CNTN5: variants seen among roughly 807,000 people sequenced by gnomAD.
CNTN5 encodes contactin 5, also known as contactin-5.
A neutral mutation model predicts 129.1 loss-of-function variants in CNTN5; 77 were observed. The observed-to-expected ratio is 0.60, with a 90% CI of 0.50 to 0.72. The LOEUF is 0.72. Ranked by LOEUF, CNTN5 falls within the 30% of genes least tolerant of loss-of-function variation. The pLI, the probability that CNTN5 is intolerant of heterozygous loss-of-function variation, is 0.00. For missense variants in CNTN5, 1,478 were observed against 1,328.8 expected, an observed-to-expected ratio of 1.11 and a Z score of -1.75; for synonymous variants, 509 against 465.6, an observed-to-expected ratio of 1.09 and a Z score of -1.20.
intron 3 of CNTN5, among the ~76,000 whole-genome samples, chr11:99,692,405 C>G (rs1954076876): frequency 6.6e-6 from 1 of 152,038 alleles, no homozygotes; most frequent in Non-Finnish European, 1.5e-5. Context: ...TTAGTGCTTC[C>G]TTAGGAGCAC....
At chr11:99,778,496 C>T (rs1177503570) in intron 3 of CNTN5, among the ~76,000 whole-genome samples, 1 of 151,770 alleles carries the variant, frequency 6.6e-6, no homozygotes, top group African/African-American at 2.4e-5. Context: ...TCTTATTCCT[C>T]TATTCTGTGG....
intron 9 of CNTN5, among the ~76,000 whole-genome samples, chr11:100,045,755 T>G (rs1942636016): frequency 6.7e-6 from 1 of 150,052 alleles, no homozygotes; most frequent in South Asian, 2.1e-4. Flanking sequence ...AGAAATCTAC[T>G]AGAGATGCCA....
chr11:99,508,347 T>C (rs1305923467), intron 2 of CNTN5, among the ~76,000 whole-genome samples: 1 of 152,222 alleles, frequency 6.6e-6, no homozygotes, highest in Non-Finnish European at 1.5e-5. Context: ...AAATATTTTA[T>C]AATTTTAAAG....
intron 7 of CNTN5, among the ~76,000 whole-genome samples, chr11:99,949,052 A>G (rs1950614851): frequency 6.6e-6 from 1 of 152,194 alleles, no homozygotes; most frequent in Admixed American, 6.5e-5. Context: ...AAGTGGGATC[A>G]ATCTTAAGCT....
chr11:99,433,986 A>G (rs1195638450), intron 2 of CNTN5, among the ~76,000 whole-genome samples: 8 of 152,148 alleles, frequency 5.3e-5, no homozygotes, highest in South Asian at 2.1e-4. Context: ...TCAGAAAAAG[A>G]CTTGTCAGAA....
At chr11:99,256,613 A>T (rs1352162324) in intron 1 of CNTN5, among the ~76,000 whole-genome samples, 4 of 151,942 alleles carry the variant, frequency 2.6e-5, no homozygotes, top group African/African-American at 9.7e-5. Context: ...TTTATTACCA[A>T]TGGAAAATGA....
intron 1 of CNTN5, among the ~76,000 whole-genome samples, chr11:99,266,348 C>T (rs532353260): frequency 3.9e-5 from 6 of 152,104 alleles, no homozygotes; most frequent in Admixed American, 1.3e-4. Context: ...CAGGTAATCC[C>T]AGTGCTTTGG....
chr11:99,970,526 TGA>T (rs1428959943), intron 8 of CNTN5, among the ~76,000 whole-genome samples: 1 of 152,226 alleles, frequency 6.6e-6, no homozygotes, highest in Non-Finnish European at 1.5e-5. Flanking sequence ...GGTACTTATC[TGA>T]TAGGGTTCCT....
At chr11:99,196,709 T>C (rs558485196) in intron 1 of CNTN5, among the ~76,000 whole-genome samples, 1 of 152,076 alleles carries the variant, frequency 6.6e-6, no homozygotes, top group African/African-American at 2.4e-5. Flanking sequence ...ATTGTATTGT[T>C]AAAAAGTGAG....
At chr11:100,206,486 T>TAAA (rs1359205712) in intron 15 of CNTN5, among the ~76,000 whole-genome samples, 3 of 152,114 alleles carry the variant, frequency 2.0e-5, no homozygotes, top group Admixed American at 6.6e-5. Context: ...GTTGCCAGAT[T>TAAA]TTTCCAAATT....
intron 1 of CNTN5, among the ~76,000 whole-genome samples, chr11:99,201,678 A>T (rs1360935999): frequency 1.3e-5 from 2 of 152,162 alleles, no homozygotes; most frequent in Non-Finnish European, 2.9e-5. Flanking sequence ...GAGGATGGCA[A>T]AAGTTTAGTC....
chr11:100,146,538 G>C (rs979912128), intron 13 of CNTN5, among the ~76,000 whole-genome samples: 4 of 151,986 alleles, frequency 2.6e-5, no homozygotes, highest in African/African-American at 9.7e-5. Context: ...TTCAAGTTTT[G>C]TTTTCCCTTG....
intron 3 of CNTN5, among the ~76,000 whole-genome samples, chr11:99,650,590 T>C (rs1952118247): frequency 6.6e-6 from 1 of 151,704 alleles, no homozygotes; most frequent in Admixed American, 6.6e-5. Context: ...GGCAACTTCC[T>C]GTGATAAAAG....
At position 100,270,560 on chromosome 11, in the gene CNTN5, A is replaced by T. The variant is rs565719796; in HGVS notation, c.2165-532A>T. ...GACAAACAATGTTATGCCCTGACAA[A>T]AATTTAAATGTAGTACAAAAATGTA... On this transcript the variant is annotated intron_variant, in intron 17 of 24. Transcript: ENST00000524871. 2.0e-5 allele frequency among the ~76,000 whole-genome samples: 3 copies of T among 152,320 alleles called. No individual in the cohort carries two copies. In the South Asian group the frequency reaches 6.2e-4, roughly 32 times the overall value.
intron 6 of CNTN5, among the ~76,000 whole-genome samples, chr11:99,897,258 A>G (rs1949230712): frequency 6.6e-6 from 1 of 152,224 alleles, no homozygotes; most frequent in Non-Finnish European, 1.5e-5. Flanking sequence ...ATTAAAAAAT[A>G]TTGCTAGAGG....
At chr11:99,780,263 A>T (rs1222981620) in intron 3 of CNTN5, among the ~76,000 whole-genome samples, 4 of 152,040 alleles carry the variant, frequency 2.6e-5, no homozygotes, top group Admixed American at 1.3e-4. Context: ...TAGTATATTT[A>T]CAAGCAAGTG....
intron 21 of CNTN5, among the ~76,000 whole-genome samples, chr11:100,310,189 C>A (rs890947055): frequency 1.3e-5 from 2 of 152,034 alleles, no homozygotes; most frequent in East Asian, 3.9e-4. Flanking sequence ...TCACTCTAAA[C>A]CTCTGAATCG....
At position 100,122,388 on chromosome 11, in the gene CNTN5, C is replaced by T. The variant is rs553287126; in HGVS notation, c.1580+48094C>T. On this transcript the variant is annotated intron_variant, in intron 13 of 24. Transcript: ENST00000524871. ...ATCAGGCGCCCAGCAGATTGGATCA[C>T]ACTAAGGATGGATCTTCCCTGCTCA... 3.9e-5 allele frequency among the ~76,000 whole-genome samples: 6 copies of T among 152,138 alleles called. No individual in the cohort carries two copies. The East Asian group carries it at 1.2e-3, about 30-fold the overall frequency.
chr11:99,779,970 T>C (rs1480174217), intron 3 of CNTN5, among the ~76,000 whole-genome samples: 1 of 151,986 alleles, frequency 6.6e-6, no homozygotes, highest in Non-Finnish European at 1.5e-5. Context: ...AATGATCCTT[T>C]CCACACTCAA....
Sources: allele counts gnomAD v4.1 joint callset (sites outside exome capture counted in the v4.1 genomes callset), GRCh38; gene constraint gnomAD v4.1.1; transcripts MANE v1.5; gene names NCBI Gene and HGNC (gene_info 2026-07-23, HGNC 2026-07-21).